LUC7L2: variants seen among roughly 807,000 people sequenced by gnomAD.
The protein encoded by LUC7L2 is putative RNA-binding protein Luc7-like 2.
A neutral mutation model predicts 52.8 loss-of-function variants in LUC7L2; 25 were observed. That is an observed-to-expected ratio of 0.47 (90% CI 0.34 to 0.66). The LOEUF is 0.66. Ranked by LOEUF, LUC7L2 falls within the 30% of genes least tolerant of loss-of-function variation. The probability of loss-of-function intolerance (pLI) is 0.01; values close to 1 mark genes in which losing one functional copy is unlikely to be tolerated. For synonymous variants in LUC7L2, 144 were observed against 160.9 expected, an observed-to-expected ratio of 0.89 and a Z score of 0.80; for missense variants, 328 against 497.8, an observed-to-expected ratio of 0.66 and a Z score of 3.25.
chr7:139,415,648 A>G lies in LUC7L2; in HGVS notation c.810-1890A>G, dbSNP rs564389995. Among the ~76,000 whole-genome samples the G allele has an allele frequency of 1.5e-4, 20 of 137,640 alleles. No homozygotes were observed. The South Asian group carries it at 4.4e-3, about 30-fold the overall frequency. The allele number at this position is 137,640 out of a possible 152,430, so 90.3% of individuals were successfully genotyped here. On this transcript the variant is annotated intron_variant, in intron 8 of 9. Coordinates refer to ENST00000354926, the MANE Select transcript of LUC7L2 (RefSeq NM_016019.5). ...GCTGGGACCACAGGCGTGTGCCACC[A>G]TGTCCAGCTAATTTTTAAAAATTTA...
chr7:139,341,389 CG>C (rs1280647986), intron 1 of LUC7L2: 1 of 1,612,246 alleles, frequency 6.2e-7, no homozygotes, highest in Non-Finnish European at 8.5e-7. Context: ...AGGACAATGG[CG>C]GCCTTAGGGT....
At chr7:139,411,619 T>C (rs4728466) in intron 7 of LUC7L2, among the ~76,000 whole-genome samples, 58,375 of 151,936 alleles carry the variant, frequency 0.38, 15,625 homozygotes, top group African/African-American at 0.76. Flanking sequence ...ATGCTATATA[T>C]CATCCAAAAA....
chr7:139,385,417 G>A (rs575783051), intron 2 of LUC7L2, among the ~76,000 whole-genome samples: 1 of 150,788 alleles, frequency 6.6e-6, no homozygotes, highest in Non-Finnish European at 1.5e-5. Flanking sequence ...GAACTCCAGG[G>A]TTCAAGTGAT....
intron 2 of LUC7L2, among the ~76,000 whole-genome samples, chr7:139,394,563 T>TA (rs1389312727): frequency 6.6e-6 from 1 of 152,252 alleles, no homozygotes; most frequent in Non-Finnish European, 1.5e-5. Flanking sequence ...ATGTTTAGGT[T>TA]AAAAACAATG....
At chr7:139,354,307 C>T (rs1799545153) in intron 1 of LUC7L2, among the ~76,000 whole-genome samples, 1 of 152,162 alleles carries the variant, frequency 6.6e-6, no homozygotes, top group Non-Finnish European at 1.5e-5. Flanking sequence ...TAGGAGAAGA[C>T]AACCAAGACA....
rs1018475901 is a variant in LUC7L2 at position 139,374,584 on chromosome 7, A to C, written c.62-1478A>C. 1.9e-5 allele frequency: 29 copies of C among 1,532,940 alleles called. No individual in the cohort carries two copies. The African/African-American group carries it at 3.4e-4, about 18-fold the overall frequency. 95.0% of individuals were successfully genotyped at this position (1,532,940 alleles called of 1,614,324 possible). On this transcript the variant is annotated intron_variant, in intron 1 of 9. Transcript: ENST00000354926. ...TTTTATTATAGTAGCAGGCGTAAAC[A>C]CTAAACTGAATATTCCAAATTGTGT... is the stretch of plus-strand genomic sequence containing the variant.
chr7:139,341,282 G>T, intron 1 of LUC7L2: 1 of 1,499,374 alleles, frequency 6.7e-7, no homozygotes, highest in Non-Finnish European at 8.9e-7. Context: ...GATAGGGGGA[G>T]TCGGTAGTCT....
intron 2 of LUC7L2, among the ~76,000 whole-genome samples, chr7:139,380,823 GAT>G (rs1366893288): frequency 3.3e-5 from 5 of 152,096 alleles, no homozygotes. Context: ...CCTGAGGAAA[GAT>G]AAAGAAATTG....
chr7:139,395,374 C>G (rs1396348631), intron 2 of LUC7L2, among the ~76,000 whole-genome samples: 2 of 152,110 alleles, frequency 1.3e-5, no homozygotes, highest in Non-Finnish European at 2.9e-5. Context: ...GAAAGCTTTA[C>G]TTTTTGTTTA....
At chr7:139,382,409 G>GTC (rs1409827908) in intron 2 of LUC7L2, among the ~76,000 whole-genome samples, 2 of 151,508 alleles carry the variant, frequency 1.3e-5, no homozygotes, top group Non-Finnish European at 2.9e-5. Context: ...TTTTGAGACA[G>GTC]TCTCTCCCTG....
chr7:139,375,821 A>C, intron 1 of LUC7L2: 2 of 401,562 alleles, frequency 5.0e-6, no homozygotes, highest in Non-Finnish European at 8.5e-6. Flanking sequence ...GAAGTACTCT[A>C]TTTAACAGAA....
upstream of LUC7L2, among the ~76,000 whole-genome samples, chr7:139,357,037 C>T (rs1239727439): frequency 1.3e-5 from 2 of 152,044 alleles, no homozygotes; most frequent in African/African-American, 4.8e-5. Flanking sequence ...TTCTAGGTTC[C>T]TTGTATTACC....
At chr7:139,420,375 G>A (rs1181193582) in intron 9 of LUC7L2, among the ~76,000 whole-genome samples, 1 of 151,926 alleles carries the variant, frequency 6.6e-6, no homozygotes, top group East Asian at 1.9e-4. Flanking sequence ...GGCTATTTTT[G>A]TATTTTTAGT....
In LUC7L2 at chr7:139,398,610, T is replaced by C. The variant is rs373024282; in HGVS notation, c.168T>C (p.Leu56=). 107 of 1,608,618 alleles carry C rather than the reference T, an allele frequency of 6.7e-5. No homozygotes were observed. Among genetic ancestry groups the C allele is most frequent in the Non-Finnish European group, 8.9e-5 (105 of 1,178,580 alleles). The change falls in exon 3 of 10, where the codon CTT becomes CTC. Residue 56 remains leucine, a synonymous_variant. Transcript: ENST00000354926. ...TTTTTCCCTTCCAGAGAATGGATCT[T>C]GGAGAATGTCTGAAAGTCCATGACC... ...HDVLSGTRMD[L]GECLKVHDLA...
chr7:139,363,976 CTTTTTTTTTT>C (rs1169793101), intron 1 of LUC7L2, among the ~76,000 whole-genome samples: 5 of 96,080 alleles, frequency 5.2e-5, no homozygotes, highest in African/African-American at 1.7e-4. Context: ...AGATTACATC[CTTTTTTTTTT>C]TTTTTTTTTT....
At chr7:139,420,622 C>T (rs1474576853) in intron 9 of LUC7L2, among the ~76,000 whole-genome samples, 5 of 152,180 alleles carry the variant, frequency 3.3e-5, no homozygotes, top group African/African-American at 1.2e-4. Flanking sequence ...ATGGAAACCA[C>T]TATGTGTGGG....
intron 2 of LUC7L2, among the ~76,000 whole-genome samples, chr7:139,391,191 G>A (rs1247433340): frequency 6.6e-6 from 1 of 152,142 alleles, no homozygotes; most frequent in Non-Finnish European, 1.5e-5. Context: ...GTACACTGTG[G>A]CAGTCAAATC....
rs1451700076 is a variant in LUC7L2, at chr7:139,422,309, G to A, written c.1148G>A (p.Ser383Asn). Residue 383 changes from serine (S) to asparagine (N), a missense_variant, in exon 10 of 10, where the codon AGC becomes AAC. By Grantham distance (46) the Ser-to-Asn change is conservative (BLOSUM62 1). Transcript: ENST00000354926. ...AATGGCAGATCAGAAGACAGGAGGAGCTCTGAAGAGCGCGAAGCAGGGGAG... is the reference window on the plus strand; with the variant it reads ...AATGGCAGATCAGAAGACAGGAGGAACTCTGAAGAGCGCGAAGCAGGGGAG... ...SANGRSEDRRSSEEREAGEI is the reference protein window; with the variant it reads ...SANGRSEDRRNSEEREAGEI The A allele has an allele frequency of 2.5e-6, 4 of 1,613,466 alleles. No individual in the cohort carries two copies. The Admixed American group carries it at 6.7e-5, about 27-fold the overall frequency.
chr7:139,405,569 G>T (rs78924699), intron 4 of LUC7L2, 75 bp from the exon 5 acceptor site: 24,306 of 1,471,970 alleles, frequency 0.017, 252 homozygotes, highest in Non-Finnish European at 0.02. Context: ...TTTTTTCTCA[G>T]CAGTTCTGAA....
Sources: allele counts gnomAD v4.1 joint callset (sites outside exome capture counted in the v4.1 genomes callset), GRCh38; gene constraint gnomAD v4.1.1; transcripts MANE v1.5; gene names NCBI Gene and HGNC (gene_info 2026-07-23, HGNC 2026-07-21).